The following BCAT1 variants were observed in gnomAD, a reference collection of about 807,000 sequenced individuals.
BCAT1 encodes branched-chain-amino-acid aminotransferase, cytosolic.
A neutral mutation model predicts 52.4 loss-of-function variants in BCAT1; 48 were observed. That is an observed-to-expected ratio of 0.92 (90% confidence interval 0.73 to 1.16). The LOEUF is 1.16. Among genes scored for constraint, BCAT1 ranks in the 50% most tolerant of loss-of-function variants. BCAT1 has a pLI of 0.00. For synonymous variants in BCAT1, 167 were observed against 161.3 expected, an observed-to-expected ratio of 1.04 and a Z score of -0.27; for missense variants, 451 against 457.1, an observed-to-expected ratio of 0.99 and a Z score of 0.12.
chr12:24,889,761 G>A (rs771440002), intron 3 of BCAT1, among the ~76,000 whole-genome samples: 23 of 152,222 alleles, frequency 1.5e-4, no homozygotes, highest in African/African-American at 1.9e-4. Context: ...AGGCAGAGGC[G>A]GGAGGCTTAC....
chr12:24,847,292 T>C (rs1339530937), intron 6 of BCAT1, among the ~76,000 whole-genome samples: 1 of 152,190 alleles, frequency 6.6e-6, no homozygotes, highest in Non-Finnish European at 1.5e-5. Context: ...CCCATCCAAA[T>C]GAATAGTTTC....
At chr12:24,898,688 G>T (rs1485740516) in intron 2 of BCAT1, among the ~76,000 whole-genome samples, 1 of 151,654 alleles carries the variant, frequency 6.6e-6, no homozygotes, top group Non-Finnish European at 1.5e-5. Flanking sequence ...GCTAATTTTT[G>T]TATTTTTAAT....
At chr12:24,935,740 A>C (rs1943743012) in intron 1 of BCAT1, among the ~76,000 whole-genome samples, 1 of 152,228 alleles carries the variant, frequency 6.6e-6, no homozygotes, top group Non-Finnish European at 1.5e-5. Context: ...TTACTTGGAA[A>C]GCTAAGCCAA....
intron 5 of BCAT1, among the ~76,000 whole-genome samples, chr12:24,866,520 C>T (rs1942018091): frequency 6.6e-6 from 1 of 152,240 alleles, no homozygotes; most frequent in African/African-American, 2.4e-5. Context: ...GCTCCACCTG[C>T]AGCCCTGGTG....
intron 1 of BCAT1, among the ~76,000 whole-genome samples, chr12:24,941,812 T>C (rs1943853289): frequency 6.6e-6 from 1 of 152,212 alleles, no homozygotes; most frequent in African/African-American, 2.4e-5. Context: ...AAAAACATGA[T>C]CACTGTTCTC....
At chr12:24,940,060 G>A (rs1306845754) in intron 1 of BCAT1, among the ~76,000 whole-genome samples, 1 of 152,002 alleles carries the variant, frequency 6.6e-6, no homozygotes, top group African/African-American at 2.4e-5. Context: ...AGAGCTTACT[G>A]GTTCTTTCCT....
At chr12:24,879,885 AAC>A (rs1259033463) in intron 4 of BCAT1, among the ~76,000 whole-genome samples, 7 of 152,216 alleles carry the variant, frequency 4.6e-5, no homozygotes, top group African/African-American at 1.7e-4. Flanking sequence ...GAAACTACAT[AAC>A]ACAGTTTGGT....
chr12:24,927,858 G>A (rs191842655), intron 1 of BCAT1, among the ~76,000 whole-genome samples: 11 of 152,284 alleles, frequency 7.2e-5, no homozygotes, highest in Admixed American at 6.5e-4. Flanking sequence ...TCTCATTACT[G>A]CCCTTCACAC....
chr12:24,942,573 G>A (rs1436178104), intron 1 of BCAT1, among the ~76,000 whole-genome samples: 1 of 151,396 alleles, frequency 6.6e-6, no homozygotes, highest in Non-Finnish European at 1.5e-5. Context: ...GGCTGGACTT[G>A]GGCCAAATAT....
intron 10 of BCAT1, among the ~76,000 whole-genome samples, chr12:24,823,060 ACTT>A (rs1243170697): frequency 1.2e-4 from 15 of 127,480 alleles, no homozygotes; most frequent in Non-Finnish European, 2.4e-4. Context: ...ATTTGTTTTG[ACTT>A]CTTTTTTTTT....
chr12:24,827,046 T>G, intron 10 of BCAT1, among the ~76,000 whole-genome samples: 2 of 152,314 alleles, frequency 1.3e-5, no homozygotes, highest in Middle Eastern at 6.8e-3. Flanking sequence ...AGGGAGTCTT[T>G]AGGTTTTTCT....
intron 9 of BCAT1, 188 bp from the exon 10 acceptor site, chr12:24,830,085 A>G: frequency 2.2e-6 from 1 of 445,250 alleles, no homozygotes; most frequent in Non-Finnish European, 3.9e-6. Context: ...TTGAATAAAA[A>G]CTAGCCAATG....
intron 10 of BCAT1, among the ~76,000 whole-genome samples, chr12:24,828,389 G>A (rs1175187706): frequency 1.3e-5 from 2 of 151,016 alleles, no homozygotes; most frequent in Non-Finnish European, 3.0e-5. Flanking sequence ...TTATTGCTCA[G>A]AAAAAAAATA....
intron 10 of BCAT1, among the ~76,000 whole-genome samples, chr12:24,822,950 G>A (rs538219829): frequency 1.3e-4 from 20 of 151,758 alleles, no homozygotes; most frequent in African/African-American, 2.4e-4. Context: ...TTTTTTCCCC[G>A]TCTCCCATCC....
chr12:24,882,085 GAACA>G (rs1942520938), intron 3 of BCAT1, among the ~76,000 whole-genome samples: 2 of 152,182 alleles, frequency 1.3e-5, no homozygotes, highest in South Asian at 2.1e-4. Context: ...GTAATTTATA[GAACA>G]AACAGGCTAA....
At chr12:24,873,230 T>C (rs1290073629) in intron 5 of BCAT1, among the ~76,000 whole-genome samples, 1 of 152,254 alleles carries the variant, frequency 6.6e-6, no homozygotes, top group African/African-American at 2.4e-5. Context: ...TTTATTTAAA[T>C]ATTATGATCT....
chr12:24,838,139 A>G (rs1941059317), intron 7 of BCAT1, among the ~76,000 whole-genome samples: 1 of 152,084 alleles, frequency 6.6e-6, no homozygotes, highest in African/African-American at 2.4e-5. Context: ...CGCCCACTCC[A>G]CTGGGGTTAC....
At chr12:24,899,875 T>C (rs1943051364) in intron 2 of BCAT1, among the ~76,000 whole-genome samples, 1 of 151,380 alleles carries the variant, frequency 6.6e-6, no homozygotes. Context: ...AGAGTACTCA[T>C]AGAATGATAG....
intron 10 of BCAT1, among the ~76,000 whole-genome samples, chr12:24,828,812 C>T (rs567756586): frequency 3.5e-4 from 54 of 152,128 alleles, no homozygotes; most frequent in South Asian, 8.3e-4. Flanking sequence ...TCAAGACCAG[C>T]CTGGCCAACA....
Sources: allele counts gnomAD v4.1 joint callset (sites outside exome capture counted in the v4.1 genomes callset), GRCh38; gene constraint gnomAD v4.1.1; transcripts MANE v1.5; gene names NCBI Gene and HGNC (gene_info 2026-07-23, HGNC 2026-07-21).